Variants in PRKCQ observed in about 807,000 individuals in gnomAD.
PRKCQ encodes protein kinase C theta.
Under a neutral mutation model 91.2 loss-of-function variants are expected in PRKCQ, and 41 were observed. That is an observed-to-expected ratio of 0.45 (90% CI 0.35 to 0.58). PRKCQ has a LOEUF of 0.58. Among genes scored for constraint, PRKCQ ranks in the 20% least tolerant of loss-of-function variants. PRKCQ has a pLI of 0.00. For missense variants in PRKCQ, 673 were observed against 896.5 expected (o/e 0.75, Z 3.18); for synonymous variants, 307 against 316.9 (o/e 0.97, Z 0.33).
chr10:6,541,296 G>C (rs1223806752), intron 1 of PRKCQ, among the ~76,000 whole-genome samples: 1 of 152,204 alleles, frequency 6.6e-6, no homozygotes, highest in Admixed American at 6.5e-5. Context: ...CGTTGGCCTA[G>C]TTTTTCAGTC....
downstream of PRKCQ, among the ~76,000 whole-genome samples, chr10:6,424,423 A>G (rs970119663): frequency 6.6e-6 from 1 of 152,150 alleles, no homozygotes; most frequent in African/African-American, 2.4e-5. Context: ...TCACCCGCCC[A>G]TGCTCAGTCC....
At chr10:6,457,359 T>G (rs1835065446) in intron 14 of PRKCQ, among the ~76,000 whole-genome samples, 1 of 152,200 alleles carries the variant, frequency 6.6e-6, no homozygotes, top group South Asian at 2.1e-4. Context: ...ATAATATTTT[T>G]TAAAAAACAA....
intron 1 of PRKCQ, among the ~76,000 whole-genome samples, chr10:6,539,368 C>T (rs1199420821): frequency 6.6e-6 from 1 of 152,062 alleles, no homozygotes; most frequent in Non-Finnish European, 1.5e-5. Flanking sequence ...AGTGACCGTT[C>T]CTGCCTGAGC....
chr10:6,559,763 G>C (rs1345797960), intron 1 of PRKCQ, among the ~76,000 whole-genome samples: 1 of 152,076 alleles, frequency 6.6e-6, no homozygotes, highest in Non-Finnish European at 1.5e-5. Context: ...CTAAAAACAG[G>C]CCAGGTTCTA....
chr10:6,483,036 TAGAG>T (rs1234708657), intron 11 of PRKCQ, among the ~76,000 whole-genome samples: 4 of 151,974 alleles, frequency 2.6e-5, no homozygotes, highest in African/African-American at 7.3e-5. Flanking sequence ...AGATATTTAA[TAGAG>T]AGAGAAAAAA....
chr10:6,556,466 A>G (rs2130945940), intron 1 of PRKCQ, among the ~76,000 whole-genome samples: 1 of 151,308 alleles, frequency 6.6e-6, no homozygotes, highest in African/African-American at 2.4e-5. Flanking sequence ...GCAACACTTA[A>G]TATGAGCTAC....
intron 1 of PRKCQ, among the ~76,000 whole-genome samples, chr10:6,578,420 T>C (rs1311705071): frequency 6.6e-6 from 1 of 152,130 alleles, no homozygotes; most frequent in Non-Finnish European, 1.5e-5. Flanking sequence ...ATTTTTAAAG[T>C]GTAGAAGAAA....
intron 2 of PRKCQ, among the ~76,000 whole-genome samples, chr10:6,511,854 T>A (rs567246920): frequency 6.6e-6 from 1 of 152,338 alleles, no homozygotes; most frequent in South Asian, 2.1e-4. Flanking sequence ...AAGGGTCCAT[T>A]TCTATAATCA....
At chr10:6,489,596 C>A in intron 8 of PRKCQ, 1 of 416,486 alleles carries the variant, frequency 2.4e-6, no homozygotes, top group South Asian at 1.8e-5. Context: ...CGAGAAGAGT[C>A]GAGAAAGGAG....
chr10:6,548,494 C>A (rs907927555), intron 1 of PRKCQ, among the ~76,000 whole-genome samples: 63 of 149,268 alleles, frequency 4.2e-4, no homozygotes, highest in African/African-American at 1.5e-3. Flanking sequence ...AAATGTCCAA[C>A]AATGATAGAC....
At chr10:6,467,540 G>A (rs1835756127) in intron 12 of PRKCQ, among the ~76,000 whole-genome samples, 1 of 152,096 alleles carries the variant, frequency 6.6e-6, no homozygotes, top group African/African-American at 2.4e-5. Context: ...CATTAACCGA[G>A]GCAAATGATT....
intron 1 of PRKCQ, among the ~76,000 whole-genome samples, chr10:6,553,489 C>CAAAAA (rs869196227): frequency 3.4e-4 from 3 of 8,846 alleles, no homozygotes; most frequent in African/African-American, 6.8e-4. Context: ...GACCCTGTCT[C>CAAAAA]AAAAAAAAAA....
At chr10:6,530,952 T>G (rs61173642) in intron 1 of PRKCQ, among the ~76,000 whole-genome samples, 21,725 of 152,168 alleles carry the variant, frequency 0.14, 1,625 homozygotes, top group Middle Eastern at 0.23. Context: ...GTAGGCTGAG[T>G]ATCCACTGGA....
chr10:6,453,390 G>A (rs1026025655), intron 15 of PRKCQ, among the ~76,000 whole-genome samples: 1 of 152,198 alleles, frequency 6.6e-6, no homozygotes, highest in Non-Finnish European at 1.5e-5. Context: ...ACACCAGTTA[G>A]AATGGCAATC....
the PRKCQ span, among the ~76,000 whole-genome samples, chr10:6,396,755 C>T: frequency 1.3e-5 from 2 of 152,226 alleles, no homozygotes; most frequent in African/African-American, 4.8e-5. Context: ...GCTTGGTGCA[C>T]ATGTCTTTGA....
intron 17 of PRKCQ, among the ~76,000 whole-genome samples, chr10:6,429,292 G>C (rs535396902): frequency 6.6e-6 from 1 of 152,216 alleles, no homozygotes; most frequent in Non-Finnish European, 1.5e-5. Context: ...GTGAGACATG[G>C]TTTAATAGTT....
At chr10:6,491,535 C>T (rs934436183) in intron 8 of PRKCQ, 148 bp downstream of exon 8, 4 of 1,087,596 alleles carry the variant, frequency 3.7e-6, no homozygotes, top group East Asian at 2.6e-5. Flanking sequence ...TGGCTTATTG[C>T]CCCAGAAGAC....
intron 10 of PRKCQ, 43 bp from the exon 11 acceptor site, chr10:6,483,643 G>A: frequency 1.2e-6 from 2 of 1,604,594 alleles, no homozygotes; most frequent in Admixed American, 1.7e-5. Context: ...ATGGAGTAAT[G>A]GAGGTCATTC....
chr10:6,558,949 G>T (rs10752357), intron 1 of PRKCQ, among the ~76,000 whole-genome samples: 1 of 152,054 alleles, frequency 6.6e-6, no homozygotes, highest in Non-Finnish European at 1.5e-5. Flanking sequence ...CAGAGAGGCA[G>T]GTCCCGTCAG....
Sources: allele counts gnomAD v4.1 joint callset (sites outside exome capture counted in the v4.1 genomes callset), GRCh38; gene constraint gnomAD v4.1.1; transcripts MANE v1.5; gene names NCBI Gene and HGNC (gene_info 2026-07-23, HGNC 2026-07-21).